Variants in PLXNC1 observed in about 807,000 individuals in gnomAD.
PLXNC1 encodes the protein plexin C1.
In PLXNC1, 75 loss-of-function variants were observed where a neutral mutation model predicts 178.2. The observed-to-expected ratio is 0.42, with a 90% CI of 0.35 to 0.51. The LOEUF (loss-of-function observed/expected upper bound fraction) is 0.51. Ranked by LOEUF, PLXNC1 falls within the 20% of genes least tolerant of loss-of-function variation. The pLI is 0.02. For synonymous variants in PLXNC1, 790 were observed against 779.9 expected, an observed-to-expected ratio of 1.01 and a Z score of -0.22; for missense variants, 1,503 against 1,984.4, an observed-to-expected ratio of 0.76 and a Z score of 4.61.
intron 4 of PLXNC1, among the ~76,000 whole-genome samples, chr12:94,206,283 G>T (rs1225837904): frequency 2.0e-5 from 3 of 151,734 alleles, no homozygotes; most frequent in Non-Finnish European, 4.4e-5. Context: ...TCTGTTGGGG[G>T]TGAGGGAGGG....
chr12:94,289,427 C>G lies in PLXNC1; in HGVS notation c.3880-5059C>G, dbSNP rs543152177. ...AGGAATTTAATTTGAAATTGCCGTG[C>G]GTACCAGTTCTGCTCTGGGCTGGAG... On this transcript the variant is annotated intron_variant, in intron 23 of 30. Transcript: ENST00000258526. Among the ~76,000 whole-genome samples the G allele has an allele frequency of 4.6e-5, 7 of 152,232 alleles. No homozygotes were observed. The East Asian group carries it at 1.3e-3, about 29-fold the overall frequency.
chr12:94,241,504 C>T (rs1964387389), intron 11 of PLXNC1, among the ~76,000 whole-genome samples: 1 of 152,142 alleles, frequency 6.6e-6, no homozygotes, highest in Non-Finnish European at 1.5e-5. Context: ...CTTTATCCCT[C>T]TCTGGCCCCG....
At chr12:94,268,123 C>G (rs990669452) in intron 21 of PLXNC1, among the ~76,000 whole-genome samples, 1 of 152,160 alleles carries the variant, frequency 6.6e-6, no homozygotes, top group Non-Finnish European at 1.5e-5. Context: ...AAAAAGGCCC[C>G]CACACTCGTG....
At chr12:94,156,731 A>G (rs1961185471) in intron 1 of PLXNC1, among the ~76,000 whole-genome samples, 2 of 144,618 alleles carry the variant, frequency 1.4e-5, no homozygotes, top group South Asian at 4.4e-4. Context: ...TTTTTTAAAC[A>G]GAGTCTCACC....
At chr12:94,215,679 A>G (rs1346999072) in intron 5 of PLXNC1, among the ~76,000 whole-genome samples, 1 of 152,176 alleles carries the variant, frequency 6.6e-6, no homozygotes, top group Non-Finnish European at 1.5e-5. Flanking sequence ...ATAGATGTAA[A>G]AATTTTAAAG....
chr12:94,289,311 C>G (rs919457393), intron 23 of PLXNC1, among the ~76,000 whole-genome samples: 4 of 152,218 alleles, frequency 2.6e-5, no homozygotes, highest in Admixed American at 1.3e-4. Flanking sequence ...TCTGCCACTT[C>G]TAACGTGGGG....
chr12:94,157,851 GACAA>G (rs1961231569), intron 1 of PLXNC1, among the ~76,000 whole-genome samples: 2 of 152,204 alleles, frequency 1.3e-5, no homozygotes, highest in African/African-American at 4.8e-5. Flanking sequence ...CACAGCCATG[GACAA>G]TACATAAATG....
rs1968994883 is a variant in PLXNC1 at position 94,306,223 on chromosome 12, A to AT, written c.*941dup. 6.6e-6 allele frequency: 1 copy of AT among 150,688 alleles called. No individual in the cohort carries two copies. The highest frequency in any genetic ancestry group is 1.9e-4 in the East Asian group (1 of 5,182). 9.3% of individuals were successfully genotyped at this position (150,688 alleles called of 1,614,324 possible). On this transcript the variant is annotated 3_prime_UTR_variant, in exon 31 of 31. Coordinates refer to ENST00000258526, the MANE Select transcript of PLXNC1 (RefSeq NM_005761.3). The stretch of plus-strand genomic sequence containing the variant: ...CTGTGGTTATGAATACTTGTGTGTG[A>AT]TTTAAAAAAAAAAAGATACATTTTA...
chr12:94,186,516 A>G, intron 4 of PLXNC1, 43 bp downstream of exon 4: 1 of 1,291,676 alleles, frequency 7.7e-7, no homozygotes. Context: ...TTTTTGAAAA[A>G]GTGTCATGCG....
chr12:94,285,096 G>A (rs929405781), intron 23 of PLXNC1, among the ~76,000 whole-genome samples: 1 of 142,064 alleles, frequency 7.0e-6, no homozygotes, highest in African/African-American at 2.6e-5. Context: ...GTAAGATGAG[G>A]GTGGGGTCAA....
intron 2 of PLXNC1, among the ~76,000 whole-genome samples, chr12:94,172,093 G>C (rs1487463529): frequency 6.6e-6 from 1 of 152,208 alleles, no homozygotes; most frequent in Non-Finnish European, 1.5e-5. Flanking sequence ...CCTTGCCAAG[G>C]CTTGTCACCA....
chr12:94,251,583 G>T (rs528938813), intron 15 of PLXNC1, 55 bp downstream of exon 15: 202 of 1,136,982 alleles, frequency 1.8e-4, no homozygotes, highest in Non-Finnish European at 2.6e-4. Flanking sequence ...CCTCTCGCCG[G>T]GCAGGCAGAC....
rs576441605 is a variant in PLXNC1 at position 94,282,227 on chromosome 12, C to A, written c.3776-71C>A. On this transcript the variant is annotated intron_variant, in intron 22 of 30. Coordinates refer to ENST00000258526, the MANE Select transcript of PLXNC1 (RefSeq NM_005761.3). ...ACCACTTTATTCAAGTTTTAGTTATCCATAAATTTGTGAAAGTAAAGTGGT... is the reference window on the plus strand; with the variant it reads ...ACCACTTTATTCAAGTTTTAGTTATACATAAATTTGTGAAAGTAAAGTGGT... The A allele has an allele frequency of 1.8e-5, 18 of 977,546 alleles. No individual in the cohort carries two copies. In the African/African-American group the frequency reaches 2.7e-4, roughly 15 times the overall value. 60.6% of individuals were successfully genotyped at this position (977,546 alleles called of 1,614,324 possible). A position where few individuals can be genotyped will look rare whatever the true frequency, so the allele number is the denominator to read the frequency against.
intron 12 of PLXNC1, 125 bp downstream of exon 12, chr12:94,244,150 T>G (rs55980051): frequency 0.013 from 6,903 of 519,476 alleles, 370 homozygotes; most frequent in African/African-American, 0.11. Flanking sequence ...TTACCTATGC[T>G]ATCATATATT....
At chr12:94,300,618 G>A (rs781445527) in intron 27 of PLXNC1, among the ~76,000 whole-genome samples, 9 of 152,104 alleles carry the variant, frequency 5.9e-5, no homozygotes, top group Non-Finnish European at 1.3e-4. Flanking sequence ...TCAGGAGATG[G>A]GAAATAATCC....
intron 20 of PLXNC1, among the ~76,000 whole-genome samples, chr12:94,263,501 C>T (rs1965060965): frequency 6.6e-6 from 1 of 152,030 alleles, no homozygotes; most frequent in African/African-American, 2.4e-5. Flanking sequence ...CCACCTGGCC[C>T]CCTGACTCCA....
rs1253744685 is a variant in PLXNC1, at chr12:94,208,686, G to T, written c.1440-904G>T. On this transcript the variant is annotated intron_variant, in intron 4 of 30. Transcript: ENST00000258526. ...GGAGGTGTAGTACTAGAAATATTTC[G>T]TTCTTTCCTTGATGCTATTCAATGG... Among the ~76,000 whole-genome samples the T allele has an allele frequency of 2.0e-5, 3 of 152,090 alleles. No individual in the cohort carries two copies. The South Asian group carries it at 6.2e-4, about 32-fold the overall frequency.
intron 14 of PLXNC1, among the ~76,000 whole-genome samples, chr12:94,249,486 G>A (rs974992719): frequency 1.1e-4 from 16 of 152,116 alleles, no homozygotes; most frequent in African/African-American, 1.9e-4. Context: ...TGCCTGCCTC[G>A]GCCTCCCAAA....
At position 94,260,946 on chromosome 12, in the gene PLXNC1, C is replaced by T; in HGVS notation, c.3450+106C>T. On this transcript the variant is annotated intron_variant, in intron 20 of 30. Coordinates refer to ENST00000258526, the MANE Select transcript of PLXNC1 (RefSeq NM_005761.3). The surrounding 1 kb of genome is among the most constrained non-coding windows in gnomAD (Gnocchi z 4.4). ...ATAAATCCTGAATGCTCGATGGTGT[C>T]AGCACTTAACCATGTTTCGTCTTGG... is the stretch of plus-strand genomic sequence containing the variant. 1.1e-6 allele frequency: 1 copy of T among 920,532 alleles called. No homozygotes were observed. The allele number at this position is 920,532 out of a possible 1,614,324, so 57.0% of individuals were successfully genotyped here.
Sources: allele counts gnomAD v4.1 joint callset (sites outside exome capture counted in the v4.1 genomes callset), GRCh38; gene constraint gnomAD v4.1.1; non-coding constraint Gnocchi (gnomAD v3.1); transcripts MANE v1.5; gene names NCBI Gene and HGNC (gene_info 2026-07-23, HGNC 2026-07-21).